Variants in MINAR1 observed in about 807,000 individuals in gnomAD.
MINAR1 encodes the protein membrane integral NOTCH2 associated receptor 1, also known as major intrinsically disordered Notch2-binding receptor 1.
In MINAR1, 40 loss-of-function variants were observed where a neutral mutation model predicts 65.1. The ratio of observed to expected loss-of-function variants is 0.61; its 90% CI spans 0.48 to 0.80. MINAR1 has a LOEUF of 0.80. Ranked by LOEUF, MINAR1 falls within the 30% of genes least tolerant of loss-of-function variation. The pLI, the probability that MINAR1 is intolerant of heterozygous loss-of-function variation, is 0.00. For synonymous variants in MINAR1, 482 were observed against 449.1 expected (o/e 1.07, Z -0.93); for missense variants, 1,128 against 1,148.0 (o/e 0.98, Z 0.25).
intron 2 of MINAR1, among the ~76,000 whole-genome samples, chr15:79,462,422 T>G (rs1895680359): frequency 6.6e-6 from 1 of 152,140 alleles, no homozygotes; most frequent in African/African-American, 2.4e-5. Context: ...TTTAGGCACC[T>G]TCCTACCTCC....
At chr15:79,412,233 G>T in the MINAR1 span, 2 of 152,228 alleles carry the variant, frequency 1.3e-5, no homozygotes, top group Non-Finnish European at 2.9e-5. Context: ...CACTGCTGGT[G>T]CACATGTGAG....
Position 79,458,358 on chromosome 15 carries a change from T to G in MINAR1, c.2211T>G (p.Thr737=), listed in dbSNP as rs146597942. 1.5e-5 allele frequency: 25 copies of G among 1,614,054 alleles called. No homozygotes were observed. The highest frequency in any genetic ancestry group is 3.3e-5 in the Admixed American group (2 of 60,002). ...SNSPRDWRTI[T]YTNRVGLNEE... is the part of the protein sequence containing the mutation. ...CGCCCAGAGACTGGCGCACCATCAC[T>G]TATACCAACCGTGTGGGCCTCAATG... The change falls in exon 2 of 4, where the codon ACT becomes ACG. Residue 737 remains threonine, a synonymous_variant. Transcript: ENST00000305428.
chr15:79,468,461 G>A lies in MINAR1; in HGVS notation c.*77G>A. 5 of 1,301,536 alleles carry A rather than the reference G, an allele frequency of 3.8e-6. No homozygotes were observed. The East Asian group carries it at 7.3e-5, about 19-fold the overall frequency. The allele number at this position is 1,301,536 out of a possible 1,614,324, so 80.6% of individuals were successfully genotyped here. A position where few individuals can be genotyped will look rare whatever the true frequency, so the allele number is the denominator to read the frequency against. ...TATCTTAGAATCTTGCAGCAGTGAGGCAACAATTTGTTGAAATGGAGATGA... is the reference window on the plus strand; with the variant it reads ...TATCTTAGAATCTTGCAGCAGTGAGACAACAATTTGTTGAAATGGAGATGA... On this transcript the variant is annotated 3_prime_UTR_variant, in exon 4 of 4. Coordinates refer to ENST00000305428, the MANE Select transcript of MINAR1 (RefSeq NM_015206.3).
intron 1 of MINAR1, among the ~76,000 whole-genome samples, chr15:79,441,497 TTTC>T (rs1462523984): frequency 2.6e-5 from 4 of 152,180 alleles, no homozygotes; most frequent in Non-Finnish European, 5.9e-5. Flanking sequence ...TTGCTAATTT[TTTC>T]TTATTTTAAG....
intron 3 of MINAR1, among the ~76,000 whole-genome samples, chr15:79,464,913 A>G (rs554563855): frequency 6.8e-6 from 1 of 146,286 alleles, no homozygotes; most frequent in East Asian, 2.2e-4. Flanking sequence ...CTCCGGTGGA[A>G]TATTTCATCA....
At position 79,458,124 on chromosome 15, in the gene MINAR1, C is replaced by A; in HGVS notation, c.1977C>A (p.Ala659=). 1 of 1,614,198 alleles carries A rather than the reference C, an allele frequency of 6.2e-7. No homozygotes were observed. The highest frequency in any genetic ancestry group is 8.5e-7 in the Non-Finnish European group (1 of 1,180,040). Reference sequence around the variant, plus strand: ...GCGAGGGTCCGTCTGATGACAGTGCCTCTCCCCGGATGTTCCACGCACACA... The same window carrying A: ...GCGAGGGTCCGTCTGATGACAGTGCATCTCCCCGGATGTTCCACGCACACA... ...LTSEGPSDDS[A]SPRMFHAHSG... Residue 659 remains alanine, a synonymous_variant, in exon 2 of 4, where the codon GCC becomes GCA. Coordinates refer to ENST00000305428, the MANE Select transcript of MINAR1 (RefSeq NM_015206.3).
At chr15:79,458,568 C>A (rs1463109844) in intron 2 of MINAR1, 123 bp downstream of exon 2, 3 of 1,234,098 alleles carry the variant, frequency 2.4e-6, no homozygotes, top group Non-Finnish European at 3.3e-6. Flanking sequence ...AGTCATCCTT[C>A]CAGGTTTGGC....
chr15:79,458,169 A>G lies in MINAR1; in HGVS notation c.2022A>G (p.Lys674=), dbSNP rs1349431265. ...CACACAGTGGCTCCCACGGACCCAAACTAGAGAACAACCCTGACTGGTGCT... is the reference window on the plus strand; with the variant it reads ...CACACAGTGGCTCCCACGGACCCAAGCTAGAGAACAACCCTGACTGGTGCT... ...FHAHSGSHGP[K]LENNPDWCCS... is the part of the protein sequence containing the mutation. Residue 674 remains lysine (K), a synonymous_variant, in exon 2 of 4, where the codon AAA becomes AAG. Transcript: ENST00000305428. The G allele has an allele frequency of 6.2e-7, 1 of 1,614,156 alleles. No homozygotes were observed. The highest frequency in any genetic ancestry group is 1.1e-5 in the South Asian group (1 of 91,074).
At chr15:79,434,547 G>A (rs1218398197) in intron 1 of MINAR1, among the ~76,000 whole-genome samples, 1 of 152,192 alleles carries the variant, frequency 6.6e-6, no homozygotes, top group Non-Finnish European at 1.5e-5. Flanking sequence ...TGTGCCTGCT[G>A]GGCAGGGATT....
intron 1 of MINAR1, among the ~76,000 whole-genome samples, chr15:79,447,918 G>C (rs1031493002): frequency 2.0e-5 from 3 of 152,044 alleles, no homozygotes; most frequent in African/African-American, 7.2e-5. Flanking sequence ...AAGGGTCCCA[G>C]CTTTATGCAG....
upstream of MINAR1, among the ~76,000 whole-genome samples, chr15:79,430,838 TA>T (rs1894418784): frequency 1.3e-5 from 2 of 152,278 alleles, no homozygotes; most frequent in African/African-American, 2.4e-5. Flanking sequence ...GGGCGTTATT[TA>T]AAGTATCCAT....
chr15:79,448,795 A>G (rs1895096103), intron 1 of MINAR1, among the ~76,000 whole-genome samples: 1 of 152,168 alleles, frequency 6.6e-6, no homozygotes, highest in Non-Finnish European at 1.5e-5. Context: ...TTTCTAATGG[A>G]GTTGTTGGAA....
At chr15:79,428,831 A>T (rs981483407), upstream of MINAR1, among the ~76,000 whole-genome samples, 1 of 152,128 alleles carries the variant, frequency 6.6e-6, no homozygotes, top group Non-Finnish European at 1.5e-5. Flanking sequence ...ATTATGATGG[A>T]TTAAAAAGTA....
At chr15:79,431,775 G>A (rs1353529210), upstream of MINAR1, among the ~76,000 whole-genome samples, 1 of 152,204 alleles carries the variant, frequency 6.6e-6, no homozygotes, top group Non-Finnish European at 1.5e-5. Flanking sequence ...CCCGCGGGTG[G>A]CTCCGGGTGG....
chr15:79,467,969 A>G (rs541794330), intron 3 of MINAR1, among the ~76,000 whole-genome samples: 2 of 152,112 alleles, frequency 1.3e-5, no homozygotes, highest in East Asian at 3.9e-4. Flanking sequence ...CCAACATGAT[A>G]TTTTTAGTGA....
In MINAR1 at chr15:79,453,402, A is replaced by G. The variant is rs899902374; in HGVS notation, c.-50-2696A>G. ...AACTCATGTCACCTCTCTGGATTAT[A>G]TAGTTACTTCCTCTCTGAGTTCCTC... On this transcript the variant is annotated intron_variant, in intron 1 of 3. Coordinates refer to ENST00000305428, the MANE Select transcript of MINAR1 (RefSeq NM_015206.3). 2.0e-5 allele frequency among the ~76,000 whole-genome samples: 3 copies of G among 150,540 alleles called. No homozygotes were observed. In the Admixed American group the frequency reaches 2.0e-4, roughly 10 times the overall value.
At chr15:79,425,381 C>T in the MINAR1 span, 2 of 152,178 alleles carry the variant, frequency 1.3e-5, no homozygotes, top group Non-Finnish European at 1.5e-5. Flanking sequence ...CATTTGAACA[C>T]TGCAAGTTAA....
intron 1 of MINAR1, among the ~76,000 whole-genome samples, chr15:79,434,196 G>C (rs116463878): frequency 2.2e-4 from 34 of 152,332 alleles, no homozygotes; most frequent in African/African-American, 8.2e-4. Flanking sequence ...AGTTTGGTGA[G>C]GAAGTGTATA....
Position 79,433,412 on chromosome 15 carries a change from ATTAAG to A in MINAR1, c.-51+876_-51+880del, listed in dbSNP as rs200758627. On this transcript the variant is annotated intron_variant, in intron 1 of 3. Transcript: ENST00000305428. The stretch of plus-strand genomic sequence containing the variant: ...TTCAGGTGCGCTTAATTCAGCGGGA[ATTAAG>A]TTATGTTTGGTGAAGATCTAAGGAG... Among the ~76,000 whole-genome samples, 774 of 152,342 alleles carry A rather than the reference ATTAAG, an allele frequency of 5.1e-3. 6 individuals carry two copies. Among genetic ancestry groups the A allele is most frequent in the African/African-American group, 0.018 (731 of 41,564 alleles).
Sources: gnomAD v4.1 joint callset for allele counts (sites outside exome capture counted in the v4.1 genomes callset) on GRCh38, gnomAD v4.1.1 for gene constraint, MANE v1.5 for transcripts, NCBI Gene and HGNC (gene_info 2026-07-23, HGNC 2026-07-21) for gene names.